Variants in IL23R observed in about 807,000 individuals in gnomAD.
The protein encoded by IL23R is interleukin 23 receptor.
In IL23R, 34 loss-of-function variants were observed where a neutral mutation model predicts 56.9. That is an observed-to-expected ratio of 0.60 (90% CI 0.45 to 0.80). The LOEUF (loss-of-function observed/expected upper bound fraction) is 0.80, where lower values mean the gene tolerates loss of function less well. Ranked by LOEUF, IL23R falls within the 30% of genes least tolerant of loss-of-function variation. The probability of loss-of-function intolerance (pLI) is 0.00; values close to 1 mark genes in which losing one functional copy is unlikely to be tolerated. For synonymous variants in IL23R, 230 were observed against 249.2 expected, an observed-to-expected ratio of 0.92 and a Z score of 0.73; for missense variants, 635 against 730.0, an observed-to-expected ratio of 0.87 and a Z score of 1.50.
chr1:67,172,545 C>T (rs975780320), intron 3 of IL23R, among the ~76,000 whole-genome samples: 11 of 152,178 alleles, frequency 7.2e-5, no homozygotes, highest in African/African-American at 2.4e-4. Context: ...CTAATCAGGC[C>T]ACACCAATCA....
At chr1:67,200,310 G>A (rs1048366963) in intron 4 of IL23R, among the ~76,000 whole-genome samples, 3 of 151,946 alleles carry the variant, frequency 2.0e-5, no homozygotes, top group Admixed American at 6.6e-5. Flanking sequence ...CCAAAGTGCT[G>A]GGATTACAAG....
downstream of IL23R, among the ~76,000 whole-genome samples, chr1:67,264,113 T>C (rs771559230): frequency 1.3e-5 from 2 of 152,238 alleles, no homozygotes; most frequent in African/African-American, 4.8e-5. Flanking sequence ...CTCTGCACTT[T>C]AGCCACAGGC....
chr1:67,177,230 A>G (rs1466229566), intron 3 of IL23R, among the ~76,000 whole-genome samples: 2 of 152,176 alleles, frequency 1.3e-5, no homozygotes, highest in East Asian at 1.9e-4. Context: ...TTACAGTCCC[A>G]CCAACAGTGT....
At chr1:67,263,995 C>T (rs377250454), downstream of IL23R, among the ~76,000 whole-genome samples, 9 of 152,214 alleles carry the variant, frequency 5.9e-5, 1 homozygote, top group East Asian at 9.6e-4. Flanking sequence ...CCGCCCTTGC[C>T]TCTGAAGCAA....
chr1:67,212,881 T>C (rs1449628558), intron 6 of IL23R, among the ~76,000 whole-genome samples: 4 of 151,568 alleles, frequency 2.6e-5, no homozygotes, highest in Non-Finnish European at 1.5e-5. Flanking sequence ...CTTTTTCTTT[T>C]TTTTTCTTTT....
intron 4 of IL23R, among the ~76,000 whole-genome samples, chr1:67,198,213 A>G (rs1235423243): frequency 6.6e-6 from 1 of 152,190 alleles, no homozygotes. Flanking sequence ...ACTTTGCAAC[A>G]TGAGATTTGG....
chr1:67,218,033 A>G (rs1031308031), intron 6 of IL23R, among the ~76,000 whole-genome samples: 2 of 151,858 alleles, frequency 1.3e-5, no homozygotes, highest in African/African-American at 2.4e-5. Context: ...ATCATGCTTC[A>G]CTTTTTCCAG....
In IL23R at chr1:67,200,905, A is replaced by G. The variant is rs747852991; in HGVS notation, c.652+8A>G. ...TTCACCTGGATGATATAGGTAAAGA[A>G]TAAGAAATTCTGTAAGTCTTTAATA... is the stretch of plus-strand genomic sequence containing the variant. On this transcript the variant is annotated splice_region_variant and intron_variant, in intron 5 of 10. Transcript: ENST00000347310. 5.6e-6 allele frequency: 9 copies of G among 1,613,642 alleles called. No homozygotes were observed. The highest frequency in any genetic ancestry group is 5.0e-5 in the Admixed American group (3 of 60,034).
chr1:67,191,778 A>G (rs1451536475), intron 4 of IL23R, among the ~76,000 whole-genome samples: 3 of 152,158 alleles, frequency 2.0e-5, no homozygotes, highest in Non-Finnish European at 4.4e-5. Flanking sequence ...CTCAGTCTTT[A>G]TCTTACTTAT....
chr1:67,232,310 A>G (rs1253331979), intron 7 of IL23R, among the ~76,000 whole-genome samples: 1 of 152,166 alleles, frequency 6.6e-6, no homozygotes, highest in Non-Finnish European at 1.5e-5. Context: ...TTAGCACAGT[A>G]GGGCTTGTGG....
intron 1 of IL23R, among the ~76,000 whole-genome samples, chr1:67,159,663 C>T (rs887195029): frequency 6.6e-6 from 1 of 152,178 alleles, no homozygotes; most frequent in Non-Finnish European, 1.5e-5. Flanking sequence ...GAGGCTGAGG[C>T]TGGAGGATCC....
chr1:67,182,995 C>A (rs762679490), intron 4 of IL23R, 36 bp downstream of exon 4: 3 of 1,612,300 alleles, frequency 1.9e-6, no homozygotes, highest in South Asian at 1.1e-5. Context: ...ATAAGCAGTT[C>A]CACCCCAGTT....
intron 1 of IL23R, among the ~76,000 whole-genome samples, chr1:67,153,932 A>AT (rs959754587): frequency 7.2e-5 from 11 of 151,740 alleles, no homozygotes; most frequent in African/African-American, 1.9e-4. Flanking sequence ...AGCCCAGCTA[A>AT]TTTTTTTTGT....
chr1:67,173,447 C>T (rs1467789184), intron 3 of IL23R, among the ~76,000 whole-genome samples: 1 of 152,246 alleles, frequency 6.6e-6, no homozygotes, highest in East Asian at 1.9e-4. Context: ...GAAAAAATAA[C>T]TTCAGCACAA....
intron 7 of IL23R, among the ~76,000 whole-genome samples, chr1:67,227,973 TCTTTCTTTCTTTCTTTC>T (rs1650759756): frequency 1.2e-5 from 1 of 82,988 alleles, no homozygotes; most frequent in Non-Finnish European, 2.5e-5. Flanking sequence ...TTTCTTTCTT[TCTTTCTTTCTTTCTTTC>T]TTTCTTTCTT....
At chr1:67,184,008 T>G (rs1570803223) in intron 4 of IL23R, among the ~76,000 whole-genome samples, 1 of 152,062 alleles carries the variant, frequency 6.6e-6, no homozygotes, top group African/African-American at 2.4e-5. Flanking sequence ...CTGAGGCTGG[T>G]GGATCACCCG....
intron 1 of IL23R, among the ~76,000 whole-genome samples, chr1:67,147,758 G>A (rs1004003184): frequency 2.0e-5 from 3 of 152,090 alleles, no homozygotes; most frequent in African/African-American, 7.2e-5. Flanking sequence ...GCTCTCTCTA[G>A]CATTTTGGAA....
chr1:67,215,181 A>G (rs1274321380), intron 6 of IL23R, among the ~76,000 whole-genome samples: 2 of 152,220 alleles, frequency 1.3e-5, no homozygotes, highest in Non-Finnish European at 2.9e-5. Flanking sequence ...TTCCTTCTAT[A>G]ACTCGGTGTC....
chr1:67,198,487 T>C (rs1648345434), intron 4 of IL23R, among the ~76,000 whole-genome samples: 1 of 152,242 alleles, frequency 6.6e-6, no homozygotes, highest in Non-Finnish European at 1.5e-5. Context: ...CATTCAATTA[T>C]AAATACTTAG....
Sources: gnomAD v4.1 joint callset for allele counts (sites outside exome capture counted in the v4.1 genomes callset) on GRCh38, gnomAD v4.1.1 for gene constraint, MANE v1.5 for transcripts, NCBI Gene and HGNC (gene_info 2026-07-23, HGNC 2026-07-21) for gene names.